KIAA0825: variants seen among roughly 807,000 people sequenced by gnomAD.
The protein encoded by KIAA0825 is KIAA0825.
In KIAA0825, 119 loss-of-function variants were observed where a neutral mutation model predicts 147.6. That is an observed-to-expected ratio of 0.81 (90% CI 0.69 to 0.94). KIAA0825 has a LOEUF of 0.94. KIAA0825 is among the 40% of genes least tolerant of loss of function. The pLI is 0.00. For missense variants in KIAA0825, 1,381 were observed against 1,472.7 expected (o/e 0.94, Z 1.02); for synonymous variants, 470 against 518.1 (o/e 0.91, Z 1.26).
intron 20 of KIAA0825, among the ~76,000 whole-genome samples, chr5:94,252,142 A>G (rs759916306): frequency 3.3e-5 from 5 of 152,054 alleles, no homozygotes; most frequent in Admixed American, 2.0e-4. Flanking sequence ...GAATTACTGA[A>G]TTAAACACAC....
intron 15 of KIAA0825, chr5:94,412,989 T>A (rs1752965472): frequency 6.7e-6 from 1 of 149,088 alleles, no homozygotes; most frequent in African/African-American, 2.5e-5. Flanking sequence ...GAAGTTTCAC[T>A]CATTGCCCAG....
chr5:94,168,099 T>A (rs1217325299), intron 20 of KIAA0825, among the ~76,000 whole-genome samples: 2 of 151,038 alleles, frequency 1.3e-5, no homozygotes, highest in East Asian at 3.9e-4. Flanking sequence ...TGTATATTTT[T>A]AAAATACATA....
chr5:94,431,747 G>C (rs1266099591), intron 14 of KIAA0825, among the ~76,000 whole-genome samples: 3 of 152,208 alleles, frequency 2.0e-5, no homozygotes, highest in African/African-American at 7.2e-5. Flanking sequence ...ACTGGTATTA[G>C]AGCAGCTGCC....
chr5:94,539,556 G>T (rs1331342961), intron 2 of KIAA0825, among the ~76,000 whole-genome samples: 3 of 152,002 alleles, frequency 2.0e-5, no homozygotes, highest in African/African-American at 7.3e-5. Flanking sequence ...AACCCCAAAG[G>T]GATGATACTG....
At chr5:94,408,495 C>T (rs928123162) in intron 15 of KIAA0825, among the ~76,000 whole-genome samples, 4 of 150,444 alleles carry the variant, frequency 2.7e-5, no homozygotes, top group Admixed American at 6.6e-5. Flanking sequence ...TACAGGCACC[C>T]ACCACCACAC....
intron 6 of KIAA0825, among the ~76,000 whole-genome samples, chr5:94,483,517 A>G (rs1367938707): frequency 6.6e-6 from 1 of 151,788 alleles, no homozygotes; most frequent in Non-Finnish European, 1.5e-5. Flanking sequence ...GTCAAACTCT[A>G]TCTAAAAGAC....
intron 20 of KIAA0825, among the ~76,000 whole-genome samples, chr5:94,309,120 G>T (rs1438245908): frequency 6.6e-6 from 1 of 151,832 alleles, no homozygotes; most frequent in East Asian, 1.9e-4. Flanking sequence ...ATAAATGTGA[G>T]TTAAGTTGGT....
chr5:94,453,192 A>G (rs1019008240), intron 12 of KIAA0825, 123 bp from the exon 13 acceptor site: 2 of 623,132 alleles, frequency 3.2e-6, no homozygotes, highest in African/African-American at 3.9e-5. Context: ...CTTTGTTTGG[A>G]GACAGAGTCT....
In KIAA0825 at chr5:94,227,334, G is replaced by A. The variant is rs1356890182; in HGVS notation, c.3711-73210C>T. The stretch of plus-strand genomic sequence containing the variant: ...ACACCGCATATTCTCACTCATAGGT[G>A]GGAATTGAACAATGAGAACACATGG... On this transcript the variant is annotated intron_variant, in intron 20 of 20. Transcript: ENST00000682413. Among the ~76,000 whole-genome samples, 3 of 152,032 alleles carry A rather than the reference G, an allele frequency of 2.0e-5. No individual in the cohort carries two copies. In the East Asian group the frequency reaches 5.8e-4, roughly 30 times the overall value.
chr5:94,235,625 A>G (rs1774998418), intron 20 of KIAA0825, among the ~76,000 whole-genome samples: 1 of 152,242 alleles, frequency 6.6e-6, no homozygotes, highest in Non-Finnish European at 1.5e-5. Context: ...AGTAGATGAA[A>G]CAGCCTTCTA....
At chr5:94,549,402 T>C (rs956008483) in intron 2 of KIAA0825, among the ~76,000 whole-genome samples, 6 of 152,122 alleles carry the variant, frequency 3.9e-5, no homozygotes, top group African/African-American at 1.4e-4. Context: ...CAAATGATAA[T>C]GGAAACACAA....
chr5:94,581,199 A>T (rs1489783707), intron 2 of KIAA0825, among the ~76,000 whole-genome samples: 1 of 152,180 alleles, frequency 6.6e-6, no homozygotes, highest in African/African-American at 2.4e-5. Flanking sequence ...AATCATTAGG[A>T]TTAGAGGTAC....
chr5:94,535,237 T>C (rs1771718651), intron 3 of KIAA0825, among the ~76,000 whole-genome samples: 1 of 152,116 alleles, frequency 6.6e-6, no homozygotes, highest in Non-Finnish European at 1.5e-5. Context: ...AGGCCAAGCA[T>C]GGTGGCTCAC....
At chr5:94,470,745 A>G (rs1761114394) in intron 9 of KIAA0825, among the ~76,000 whole-genome samples, 1 of 152,182 alleles carries the variant, frequency 6.6e-6, no homozygotes, top group Non-Finnish European at 1.5e-5. Context: ...TATGAATATC[A>G]CACTGCTTTC....
At chr5:94,200,737 A>C (rs949307948) in intron 20 of KIAA0825, among the ~76,000 whole-genome samples, 1 of 151,884 alleles carries the variant, frequency 6.6e-6, no homozygotes, top group Admixed American at 6.6e-5. Context: ...ATGAAGCAAA[A>C]CAAACCAAAC....
intron 20 of KIAA0825, among the ~76,000 whole-genome samples, chr5:94,212,165 T>C (rs2150046246): frequency 6.6e-6 from 1 of 152,300 alleles, no homozygotes; most frequent in South Asian, 2.1e-4. Context: ...TTGTCCCCCA[T>C]GGATTTGTGC....
chr5:94,615,063 G>T (rs1790058745), intron 1 of KIAA0825, among the ~76,000 whole-genome samples: 1 of 145,806 alleles, frequency 6.9e-6, no homozygotes. Flanking sequence ...GTCATAGCTG[G>T]TAAAAAAAAA....
intron 10 of KIAA0825, among the ~76,000 whole-genome samples, chr5:94,465,421 T>A (rs1225065848): frequency 6.6e-6 from 1 of 152,208 alleles, no homozygotes. Context: ...AAAATTAAAA[T>A]CTATTTAAAT....
At chr5:94,448,034 G>A (rs17326006) in intron 13 of KIAA0825, among the ~76,000 whole-genome samples, 63,214 of 151,450 alleles carry the variant, frequency 0.42, 13,315 homozygotes, top group African/African-American at 0.45. Context: ...AAAATGATAA[G>A]AGGCATTATA....
Sources: allele counts gnomAD v4.1 joint callset (sites outside exome capture counted in the v4.1 genomes callset), GRCh38; gene constraint gnomAD v4.1.1; transcripts MANE v1.5; gene names NCBI Gene and HGNC (gene_info 2026-07-23, HGNC 2026-07-21).